The following SCAMP1 variants were observed in gnomAD, a reference collection of about 807,000 sequenced individuals.
SCAMP1 encodes the protein secretory carrier membrane protein 1.
Under a neutral mutation model 41.8 loss-of-function variants are expected in SCAMP1, and 15 were observed. The observed-to-expected ratio is 0.36, with a 90% CI of 0.24 to 0.55. SCAMP1 has a LOEUF of 0.55. Ranked by LOEUF, SCAMP1 falls within the 20% of genes least tolerant of loss-of-function variation. The probability of loss-of-function intolerance (pLI) is 0.86; values close to 1 mark genes in which losing one functional copy is unlikely to be tolerated. For missense variants in SCAMP1, 341 were observed against 412.6 expected (o/e 0.83, Z 1.50); for synonymous variants, 135 against 136.8 (o/e 0.99, Z 0.09).
intron 8 of SCAMP1, among the ~76,000 whole-genome samples, chr5:78,462,876 G>C (rs1753651274): frequency 6.6e-6 from 1 of 152,084 alleles, no homozygotes. Flanking sequence ...GAGACCTTGG[G>C]AATAACACCT....
At chr5:78,475,466 T>C (rs773506653) in intron 8 of SCAMP1, 38 bp from the exon 9 acceptor site, 21 of 1,487,654 alleles carry the variant, frequency 1.4e-5, no homozygotes, top group Middle Eastern at 2.0e-4. Context: ...ATGCGTAGGT[T>C]GCTACTTACC....
intron 1 of SCAMP1, among the ~76,000 whole-genome samples, chr5:78,378,739 CA>C (rs1751127379): frequency 1.3e-5 from 2 of 152,160 alleles, no homozygotes; most frequent in East Asian, 3.8e-4. Context: ...TAGTCAGATC[CA>C]CATGATATTT....
chr5:78,383,665 C>A (rs991743866), intron 1 of SCAMP1, among the ~76,000 whole-genome samples: 11 of 152,142 alleles, frequency 7.2e-5, no homozygotes, highest in Non-Finnish European at 1.6e-4. Context: ...GCCAATGATC[C>A]CAGCACCATT....
chr5:78,453,650 G>C (rs190450948), intron 7 of SCAMP1, among the ~76,000 whole-genome samples: 15 of 152,232 alleles, frequency 9.9e-5, no homozygotes, highest in African/African-American at 3.6e-4. Flanking sequence ...TTTGGCTTAG[G>C]ATAGCCTTGG....
intron 6 of SCAMP1, among the ~76,000 whole-genome samples, chr5:78,443,345 G>A (rs1475763004): frequency 6.6e-6 from 1 of 151,988 alleles, no homozygotes; most frequent in Non-Finnish European, 1.5e-5. Flanking sequence ...GTAAAATGGA[G>A]TCAATATTAG....
chr5:78,402,784 G>C (rs2112112636), intron 2 of SCAMP1, among the ~76,000 whole-genome samples: 1 of 151,980 alleles, frequency 6.6e-6, no homozygotes, highest in East Asian at 1.9e-4. Flanking sequence ...TGTTCAAAGT[G>C]ATTATTGATT....
chr5:78,466,033 C>T (rs1002439323), intron 8 of SCAMP1, among the ~76,000 whole-genome samples: 4 of 152,242 alleles, frequency 2.6e-5, no homozygotes, highest in African/African-American at 9.6e-5. Flanking sequence ...GCGGCCTAGC[C>T]AAATTAACAT....
intron 8 of SCAMP1, among the ~76,000 whole-genome samples, chr5:78,468,098 A>G (rs1356802239): frequency 6.6e-6 from 1 of 152,094 alleles, no homozygotes; most frequent in Non-Finnish European, 1.5e-5. Flanking sequence ...GGATTTTGGT[A>G]ATTTCGTTGG....
chr5:78,465,605 G>A (rs1204740982), intron 8 of SCAMP1, among the ~76,000 whole-genome samples: 1 of 152,196 alleles, frequency 6.6e-6, no homozygotes, highest in African/African-American at 2.4e-5. Flanking sequence ...GCATAGAATA[G>A]GGCCTTCTCA....
At chr5:78,439,776 G>T (rs1328265523) in intron 6 of SCAMP1, among the ~76,000 whole-genome samples, 1 of 152,030 alleles carries the variant, frequency 6.6e-6, no homozygotes, top group African/African-American at 2.4e-5. Context: ...TGGTAGGTTG[G>T]GGAAGTTTTC....
At chr5:78,363,199 TTTTC>T (rs1192901986) in intron 1 of SCAMP1, among the ~76,000 whole-genome samples, 111 of 138,610 alleles carry the variant, frequency 8.0e-4, no homozygotes, top group African/African-American at 2.1e-3. Context: ...AGCAGATCGT[TTTTC>T]TTTCTTTCTT....
chr5:78,389,665 G>A (rs1477566292), intron 2 of SCAMP1, among the ~76,000 whole-genome samples: 1 of 152,020 alleles, frequency 6.6e-6, no homozygotes, highest in Non-Finnish European at 1.5e-5. Flanking sequence ...AAGCATCTAG[G>A]GGACTTTATT....
chr5:78,426,359 G>A (rs1441643510), intron 6 of SCAMP1, among the ~76,000 whole-genome samples: 1 of 152,128 alleles, frequency 6.6e-6, no homozygotes, highest in African/African-American at 2.4e-5. Flanking sequence ...AGATCCTTGA[G>A]GAATTGCCAC....
At chr5:78,401,847 A>C (rs1455886592) in intron 2 of SCAMP1, among the ~76,000 whole-genome samples, 2 of 151,584 alleles carry the variant, frequency 1.3e-5, no homozygotes, top group African/African-American at 4.8e-5. Context: ...TTGTGCTCTT[A>C]TTTCTTTCCT....
intron 6 of SCAMP1, among the ~76,000 whole-genome samples, chr5:78,432,109 C>T (rs890520565): frequency 3.3e-5 from 5 of 152,226 alleles, no homozygotes; most frequent in Admixed American, 3.3e-4. Flanking sequence ...CTCTCCGGTG[C>T]CCTGGCTTCT....
intron 1 of SCAMP1, among the ~76,000 whole-genome samples, chr5:78,373,103 C>T (rs1426178298): frequency 6.6e-6 from 1 of 152,072 alleles, no homozygotes; most frequent in African/African-American, 2.4e-5. Flanking sequence ...TTACCTTCTC[C>T]CCTCTGCTAG....
At chr5:78,468,574 A>T (rs1753799435) in intron 8 of SCAMP1, among the ~76,000 whole-genome samples, 1 of 152,160 alleles carries the variant, frequency 6.6e-6, no homozygotes, top group African/African-American at 2.4e-5. Flanking sequence ...ATTTTGAATG[A>T]TTATCACTTC....
chr5:78,421,847 G>T lies in SCAMP1; in HGVS notation c.519G>T (p.Trp173Cys). 1 of 1,613,764 alleles carries T rather than the reference G, an allele frequency of 6.2e-7. No individual in the cohort carries two copies. The highest frequency in any genetic ancestry group is 8.5e-7 in the Non-Finnish European group (1 of 1,179,798). ...LFLNIFGCLA[W>C]FCVDSARAVD... The stretch of plus-strand genomic sequence containing the variant: ...TAAATATCTTCGGATGCTTGGCTTG[G>T]TTTTGTGTTGATTCTGCAAGAGCGG... The change falls in exon 6 of 9, where the codon TGG becomes TGT. Residue 173 changes from tryptophan to cysteine, a missense_variant. Trp to Cys is a radical substitution (Grantham distance 215, BLOSUM62 -2). Coordinates refer to ENST00000621999, the MANE Select transcript of SCAMP1 (RefSeq NM_004866.6).
At position 78,426,435 on chromosome 5, in the gene SCAMP1, A is replaced by T. The variant is rs139940629; in HGVS notation, c.632+4475A>T. Among the ~76,000 whole-genome samples the T allele has an allele frequency of 5.5e-3, 835 of 152,322 alleles. 10 individuals carry two copies. Among genetic ancestry groups the T allele is most frequent in the African/African-American group, 0.019 (792 of 41,562 alleles). On this transcript the variant is annotated intron_variant, in intron 6 of 8. Coordinates refer to ENST00000621999, the MANE Select transcript of SCAMP1 (RefSeq NM_004866.6). ...AGTGTAAAAGCGTTCCTATTTCTCC[A>T]TGGCCTTGCCAGCATCTGTTTCCTG...
Sources: gnomAD v4.1 joint callset for allele counts (sites outside exome capture counted in the v4.1 genomes callset) on GRCh38, gnomAD v4.1.1 for gene constraint, MANE v1.5 for transcripts, NCBI Gene and HGNC (gene_info 2026-07-23, HGNC 2026-07-21) for gene names.